IQCK: variants seen among roughly 807,000 people sequenced by gnomAD.
The protein encoded by IQCK is IQ motif containing K, also known as IQ domain-containing protein K.
In IQCK, 29 loss-of-function variants were observed where a neutral mutation model predicts 28.1. That is an observed-to-expected ratio of 1.03 (90% CI 0.77 to 1.41). IQCK has a LOEUF of 1.41. Among genes scored for constraint, IQCK ranks in the 40% most tolerant of loss-of-function variants. IQCK has a pLI of 0.00. For synonymous variants in IQCK, 113 were observed against 115.1 expected (o/e 0.98, Z 0.12); for missense variants, 359 against 314.7 (o/e 1.14, Z -1.07).
rs141757938 is a variant in IQCK at position 19,806,450 on chromosome 16, C to T, written c.690+17528C>T. Among the ~76,000 whole-genome samples, 25 of 152,080 alleles carry T rather than the reference C, an allele frequency of 1.6e-4. 1 individual carries two copies. The East Asian group carries it at 4.8e-3, about 29-fold the overall frequency. On this transcript the variant is annotated intron_variant, in intron 7 of 7. Transcript: ENST00000564186. ...CCTGTAATTTCAGCACTTTGGGAGG[C>T]TGAGGCGGGCAAATCACTTGAGTAC... is the stretch of plus-strand genomic sequence containing the variant.
At chr16:19,856,410 A>C in intron 9 of IQCK, 77 bp from the exon 9 acceptor site, 2 of 1,228,010 alleles carry the variant, frequency 1.6e-6, no homozygotes, top group Non-Finnish European at 2.4e-6. Context: ...TCCACACATC[A>C]GAGTTTCCGG....
intron 7 of IQCK, among the ~76,000 whole-genome samples, chr16:19,804,697 G>A (rs188417064): frequency 6.6e-6 from 1 of 152,122 alleles, no homozygotes; most frequent in Non-Finnish European, 1.5e-5. Context: ...CCAAAGTGTT[G>A]GGATTACAGG....
intron 1 of IQCK, among the ~76,000 whole-genome samples, chr16:19,721,430 A>T (rs974336060): frequency 1.7e-4 from 26 of 152,148 alleles, no homozygotes; most frequent in Non-Finnish European, 3.5e-4. Flanking sequence ...TCATCTTTCC[A>T]GTGACAACTG....
intron 9 of IQCK, among the ~76,000 whole-genome samples, chr16:19,848,529 T>C (rs55909205): frequency 0.1 from 15,744 of 152,282 alleles, 904 homozygotes; most frequent in Non-Finnish European, 0.13. Context: ...AATGAACTAC[T>C]TAGCAGCAAT....
chr16:19,724,614 C>A (rs562398540), intron 1 of IQCK, among the ~76,000 whole-genome samples: 1 of 151,936 alleles, frequency 6.6e-6, no homozygotes, highest in Admixed American at 6.6e-5. Flanking sequence ...CTGCAAGCTC[C>A]GCCTCCTGGA....
At chr16:19,838,311 G>T (rs1039073743) in intron 9 of IQCK, among the ~76,000 whole-genome samples, 34 of 152,176 alleles carry the variant, frequency 2.2e-4, no homozygotes, top group African/African-American at 7.7e-4. Flanking sequence ...AGAGGGTGAG[G>T]CAGAGAAGAG....
At chr16:19,839,501 A>G (rs993643793) in intron 9 of IQCK, among the ~76,000 whole-genome samples, 2 of 151,930 alleles carry the variant, frequency 1.3e-5, no homozygotes, top group South Asian at 2.1e-4. Flanking sequence ...TTTATTGTCT[A>G]TGTGACTGCA....
At chr16:19,723,042 C>T (rs2151672274) in intron 1 of IQCK, among the ~76,000 whole-genome samples, 1 of 152,170 alleles carries the variant, frequency 6.6e-6, no homozygotes, top group East Asian at 1.9e-4. Context: ...CGGCCCCACA[C>T]TCTCATTTGC....
chr16:19,856,620 T>G, exon 10 of IQCK: 1 of 1,221,130 alleles, frequency 8.2e-7, no homozygotes, highest in South Asian at 1.2e-5. Context: ...CAAATGATGC[T>G]CTCTCTCTTG....
At chr16:19,758,191 CTT>C (rs879615917) in intron 4 of IQCK, among the ~76,000 whole-genome samples, 4 of 152,140 alleles carry the variant, frequency 2.6e-5, no homozygotes, top group Non-Finnish European at 4.4e-5. Context: ...TACTTCCTCT[CTT>C]ATTTCATCAC....
At chr16:19,721,282 C>T (rs531420108) in intron 1 of IQCK, among the ~76,000 whole-genome samples, 5 of 152,308 alleles carry the variant, frequency 3.3e-5, no homozygotes, top group African/African-American at 1.2e-4. Context: ...GCCAGAAACT[C>T]AATTTCATGA....
At chr16:19,763,958 C>G in intron 5 of IQCK, 58 bp downstream of exon 5, 1 of 1,591,854 alleles carries the variant, frequency 6.3e-7, no homozygotes, top group Non-Finnish European at 8.6e-7. Flanking sequence ...TGTTAATTTG[C>G]AAGCAGAATA....
chr16:19,813,176 A>G (rs934160044), intron 7 of IQCK, among the ~76,000 whole-genome samples: 4 of 152,244 alleles, frequency 2.6e-5, no homozygotes, highest in Non-Finnish European at 5.9e-5. Flanking sequence ...GTAGAGAGAT[A>G]GGGATAGGAA....
chr16:19,742,087 G>A (rs1256627679), intron 4 of IQCK, among the ~76,000 whole-genome samples: 1 of 152,152 alleles, frequency 6.6e-6, no homozygotes, highest in African/African-American at 2.4e-5. Context: ...CTGCTTCCTT[G>A]CAGCATGGCC....
At chr16:19,781,742 A>C (rs1355715756) in intron 6 of IQCK, among the ~76,000 whole-genome samples, 1 of 152,032 alleles carries the variant, frequency 6.6e-6, no homozygotes, top group African/African-American at 2.4e-5. Flanking sequence ...TAATCCCAGC[A>C]CCTTGGGAGG....
intron 7 of IQCK, among the ~76,000 whole-genome samples, chr16:19,822,482 A>G (rs2056088686): frequency 6.6e-6 from 1 of 152,164 alleles, no homozygotes; most frequent in Non-Finnish European, 1.5e-5. Context: ...ATTATTCAGG[A>G]ATAAGTATTG....
chr16:19,727,271 T>G (rs899943033), intron 1 of IQCK, among the ~76,000 whole-genome samples: 14 of 152,122 alleles, frequency 9.2e-5, no homozygotes, highest in Admixed American at 3.3e-4. Flanking sequence ...TGACCTAGCC[T>G]GGGAAATTGA....
At chr16:19,838,561 G>C (rs1193856612) in intron 9 of IQCK, among the ~76,000 whole-genome samples, 1 of 152,122 alleles carries the variant, frequency 6.6e-6, no homozygotes, top group Non-Finnish European at 1.5e-5. Context: ...TGTCAAGCTG[G>C]GGCCCGGCCT....
At position 19,843,008 on chromosome 16, in the gene IQCK, C is replaced by T. The variant is rs574059446; in HGVS notation, c.803-13479C>T. Among the ~76,000 whole-genome samples the T allele has an allele frequency of 2.0e-4, 30 of 152,216 alleles. 1 individual carries two copies. In the East Asian group the frequency reaches 3.7e-3, roughly 19 times the overall value. Reference sequence around the variant, plus strand: ...ACTCTTGCAAAGGTGTAAGTTTTATCAGCTTTGTTGACAAGGAGAATAGGG... The same window carrying T: ...ACTCTTGCAAAGGTGTAAGTTTTATTAGCTTTGTTGACAAGGAGAATAGGG... On this transcript the variant is annotated intron_variant, in intron 9 of 9. Transcript: ENST00000320394.
Sources: allele counts gnomAD v4.1 joint callset (sites outside exome capture counted in the v4.1 genomes callset), GRCh38; gene constraint gnomAD v4.1.1; transcripts MANE v1.5; gene names NCBI Gene and HGNC (gene_info 2026-07-23, HGNC 2026-07-21).